The following GPC5 variants were observed in gnomAD, a reference collection of about 807,000 sequenced individuals.
GPC5 encodes glypican-5.
GPC5 carries 47 observed loss-of-function variants against 53.9 expected under a neutral mutation model. The ratio of observed to expected loss-of-function variants is 0.87; its 90% CI spans 0.69 to 1.11. The LOEUF (loss-of-function observed/expected upper bound fraction) is 1.11. GPC5 is among the 50% of genes most tolerant of loss of function. The probability of loss-of-function intolerance (pLI) is 0.00; values close to 1 mark genes in which losing one functional copy is unlikely to be tolerated. For missense variants in GPC5, 748 were observed against 713.1 expected (o/e 1.05, Z -0.56); for synonymous variants, 286 against 263.3 (o/e 1.09, Z -0.84).
chr13:91,891,863 T>A (rs1315107212), intron 5 of GPC5, among the ~76,000 whole-genome samples: 1 of 152,128 alleles, frequency 6.6e-6, no homozygotes, highest in Non-Finnish European at 1.5e-5. Flanking sequence ...AACTTCCATT[T>A]AAGACTGCTT....
At chr13:91,597,928 C>T (rs55776152) in intron 2 of GPC5, among the ~76,000 whole-genome samples, 146,233 of 151,950 alleles carry the variant, frequency 0.96, 70,594 homozygotes, top group East Asian at 1. Flanking sequence ...GTTTGTATTT[C>T]TTTTTAGCAG....
At chr13:92,000,208 T>C (rs2040542125) in intron 6 of GPC5, among the ~76,000 whole-genome samples, 1 of 152,156 alleles carries the variant, frequency 6.6e-6, no homozygotes, top group African/African-American at 2.4e-5. Flanking sequence ...AGCATATGCT[T>C]AGACCAAAAG....
At chr13:91,530,290 G>C (rs373415064) in intron 2 of GPC5, among the ~76,000 whole-genome samples, 62 of 152,316 alleles carry the variant, frequency 4.1e-4, no homozygotes, top group African/African-American at 1.5e-3. Context: ...ACACCAGCTT[G>C]CTGGAGGTCA....
intron 5 of GPC5, among the ~76,000 whole-genome samples, chr13:91,798,925 G>C (rs1174842880): frequency 6.6e-6 from 1 of 152,120 alleles, no homozygotes; most frequent in African/African-American, 2.4e-5. Context: ...GGCATAAGAT[G>C]GTGTCTCACT....
Position 91,693,373 on chromosome 13 carries a change from TTCC to T in GPC5, c.515_517del (p.Pro172del), listed in dbSNP as rs2035801118. The T allele has an allele frequency of 6.2e-7, 1 of 1,614,040 alleles. No homozygotes were observed. The highest frequency in any genetic ancestry group is 8.5e-7 in the Non-Finnish European group (1 of 1,180,028). On this transcript the variant is annotated inframe_deletion, in exon 3 of 8. Transcript: ENST00000377067. ...GTAAACAGATTTTTTGACAGTCTTT[TTCC>T]TCTGGTCTACAACCACCTCATTAAC...
intron 7 of GPC5, among the ~76,000 whole-genome samples, chr13:92,400,045 G>A (rs1291821450): frequency 1.3e-5 from 2 of 152,158 alleles, no homozygotes; most frequent in Non-Finnish European, 2.9e-5. Flanking sequence ...TGGCTTGTGG[G>A]AGATGCCATG....
intron 7 of GPC5, among the ~76,000 whole-genome samples, chr13:92,401,260 T>C (rs1436469120): frequency 6.6e-6 from 1 of 151,882 alleles, no homozygotes; most frequent in Admixed American, 6.6e-5. Context: ...TTTATGGAAA[T>C]GATAGAAGTC....
chr13:92,607,209 T>G (rs1488943480), intron 7 of GPC5, among the ~76,000 whole-genome samples: 2 of 152,132 alleles, frequency 1.3e-5, no homozygotes, highest in African/African-American at 4.8e-5. Context: ...TTTTGTCCTT[T>G]GAAAATAAAG....
chr13:92,233,428 G>A (rs900214590), intron 7 of GPC5, among the ~76,000 whole-genome samples: 20 of 152,142 alleles, frequency 1.3e-4, no homozygotes, highest in African/African-American at 4.8e-4. Context: ...TTTGCAGGCT[G>A]GCAGAAAATC....
chr13:92,720,304 G>A (rs754489110), intron 7 of GPC5, among the ~76,000 whole-genome samples: 2 of 152,140 alleles, frequency 1.3e-5, no homozygotes, highest in Admixed American at 1.3e-4. Context: ...GCAGAAACCA[G>A]TTCATTCAAT....
chr13:91,642,210 A>G (rs1463824449), intron 2 of GPC5, among the ~76,000 whole-genome samples: 1 of 152,234 alleles, frequency 6.6e-6, no homozygotes, highest in East Asian at 1.9e-4. Context: ...CAAGGAATGC[A>G]GGCTCTTAAA....
At chr13:91,653,188 A>G (rs1328008628) in intron 2 of GPC5, among the ~76,000 whole-genome samples, 1 of 152,210 alleles carries the variant, frequency 6.6e-6, no homozygotes, top group Non-Finnish European at 1.5e-5. Flanking sequence ...GTTCCTGTAA[A>G]AACCTTTCAC....
At chr13:92,583,281 A>G (rs1458316011) in intron 7 of GPC5, among the ~76,000 whole-genome samples, 1 of 152,232 alleles carries the variant, frequency 6.6e-6, no homozygotes, top group African/African-American at 2.4e-5. Context: ...AATGTAATAA[A>G]TAAGATATAT....
intron 3 of GPC5, among the ~76,000 whole-genome samples, chr13:91,696,882 T>C (rs1367261883): frequency 6.6e-6 from 1 of 152,210 alleles, no homozygotes; most frequent in African/African-American, 2.4e-5. Context: ...AGAGTAGGAA[T>C]TAAAAGCACA....
intron 6 of GPC5, among the ~76,000 whole-genome samples, chr13:91,986,809 T>C (rs2040412190): frequency 6.6e-6 from 1 of 152,168 alleles, no homozygotes; most frequent in Non-Finnish European, 1.5e-5. Flanking sequence ...AACATGGACA[T>C]AGCCTTCATG....
intron 2 of GPC5, among the ~76,000 whole-genome samples, chr13:91,505,434 C>T (rs372271192): frequency 6.6e-6 from 1 of 152,120 alleles, no homozygotes; most frequent in African/African-American, 2.4e-5. Context: ...AAGGCTCTTC[C>T]CCAAAATTTC....
intron 6 of GPC5, among the ~76,000 whole-genome samples, chr13:92,073,500 G>T (rs1246558428): frequency 6.6e-6 from 1 of 152,126 alleles, no homozygotes; most frequent in Non-Finnish European, 1.5e-5. Flanking sequence ...GACTTTCTAT[G>T]TCATACAGTC....
intron 7 of GPC5, among the ~76,000 whole-genome samples, chr13:92,497,132 G>A (rs1447880422): frequency 1.3e-5 from 2 of 152,060 alleles, no homozygotes; most frequent in Admixed American, 6.6e-5. Flanking sequence ...GTCAATTTTC[G>A]CTTTTGTTGC....
intron 7 of GPC5, among the ~76,000 whole-genome samples, chr13:92,329,180 G>T (rs1184273942): frequency 1.3e-5 from 2 of 152,088 alleles, no homozygotes; most frequent in African/African-American, 4.8e-5. Context: ...CTGAGGCTGG[G>T]TAATTGATAA....
Sources: allele counts gnomAD v4.1 joint callset (sites outside exome capture counted in the v4.1 genomes callset), GRCh38; gene constraint gnomAD v4.1.1; transcripts MANE v1.5; gene names NCBI Gene and HGNC (gene_info 2026-07-23, HGNC 2026-07-21).